The following ANXA8 variants were observed in gnomAD, a reference collection of about 807,000 sequenced individuals.
ANXA8 encodes the protein VAC-beta.
A neutral mutation model predicts 26.8 loss-of-function variants in ANXA8; 9 were observed. The observed-to-expected ratio is 0.34, with a 90% CI of 0.20 to 0.59. The LOEUF (loss-of-function observed/expected upper bound fraction) is 0.59. ANXA8 is among the 20% of genes least tolerant of loss of function. The pLI is 0.84. For missense variants in ANXA8, 83 were observed against 238.5 expected (o/e 0.35, Z 4.29); for synonymous variants, 39 against 94.8 (o/e 0.41, Z 3.42).
the ANXA8 span, among the ~76,000 whole-genome samples, chr10:47,669,734 C>A: frequency 1.3e-5 from 2 of 151,664 alleles, no homozygotes; most frequent in African/African-American, 4.9e-5. Flanking sequence ...AACAAAAAAA[C>A]CCCAAAAACC....
At chr10:47,777,304 T>C in the ANXA8 span, among the ~76,000 whole-genome samples, 1 of 151,648 alleles carries the variant, frequency 6.6e-6, no homozygotes, top group African/African-American at 2.4e-5. Context: ...CACCATCAGA[T>C]CTGATGTGGT....
At chr10:47,944,184 C>T in the ANXA8 span, among the ~76,000 whole-genome samples, 3 of 145,162 alleles carry the variant, frequency 2.1e-5, no homozygotes, top group East Asian at 2.2e-4. Context: ...TCATAGATGG[C>T]GCCTTCTTGC....
chr10:47,941,657 C>T, the ANXA8 span, among the ~76,000 whole-genome samples: 1 of 146,014 alleles, frequency 6.8e-6, no homozygotes, highest in Non-Finnish European at 1.5e-5. Context: ...AAAAAAAAAA[C>T]AGCTGGCATT....
At chr10:47,673,619 C>T in the ANXA8 span, among the ~76,000 whole-genome samples, 7 of 151,628 alleles carry the variant, frequency 4.6e-5, no homozygotes, top group Non-Finnish European at 1.0e-4. Context: ...CAAACTCTGA[C>T]CGTGGCGCTT....
chr10:47,988,826 A>C, the ANXA8 span, among the ~76,000 whole-genome samples: 2 of 151,574 alleles, frequency 1.3e-5, no homozygotes, highest in Non-Finnish European at 2.9e-5. Context: ...CAAAGTCCAT[A>C]CTCTTGTTTG....
the ANXA8 span, among the ~76,000 whole-genome samples, chr10:47,522,188 A>G: frequency 1.4e-5 from 2 of 141,554 alleles, no homozygotes; most frequent in African/African-American, 5.3e-5. Context: ...GAAGTCTGAC[A>G]TTTTAACCTG....
intron 8 of ANXA8, 116 bp downstream of exon 8, chr10:47,474,189 C>T (rs1839418508): frequency 1.6e-6 from 1 of 610,160 alleles, no homozygotes; most frequent in African/African-American, 1.9e-5. Context: ...GGAAACAGTC[C>T]TGGGCTCCCT....
chr10:47,694,523 T>A, the ANXA8 span, among the ~76,000 whole-genome samples: 1 of 149,326 alleles, frequency 6.7e-6, no homozygotes, highest in Non-Finnish European at 1.5e-5. Flanking sequence ...TGGGTTCAAG[T>A]GATTCTCCTG....
At chr10:47,572,712 C>T in the ANXA8 span, among the ~76,000 whole-genome samples, 20 of 124,642 alleles carry the variant, frequency 1.6e-4, 1 homozygote, top group East Asian at 8.7e-4. Flanking sequence ...AGTGAAACTC[C>T]GTCTCAAAAA....
the ANXA8 span, among the ~76,000 whole-genome samples, chr10:47,619,379 T>A: frequency 1.8e-5 from 2 of 112,888 alleles, 1 homozygote; most frequent in Non-Finnish European, 3.9e-5. Context: ...ACGAGTCAGC[T>A]CTTCTGACCC....
chr10:47,684,071 C>A, the ANXA8 span, among the ~76,000 whole-genome samples: 1 of 151,864 alleles, frequency 6.6e-6, no homozygotes, highest in African/African-American at 2.4e-5. Flanking sequence ...GTTTTTCCGA[C>A]TGAAGCGGCC....
the ANXA8 span, among the ~76,000 whole-genome samples, chr10:47,673,696 A>G: frequency 6.6e-6 from 1 of 151,832 alleles, no homozygotes; most frequent in Non-Finnish European, 1.5e-5. Context: ...TGAATTTTTG[A>G]AACAGTTTCA....
At chr10:47,530,644 G>A in the ANXA8 span, among the ~76,000 whole-genome samples, 3 of 150,116 alleles carry the variant, frequency 2.0e-5, no homozygotes, top group Non-Finnish European at 3.0e-5. Flanking sequence ...AGTGAGCCAA[G>A]ACTGTGCCAC....
the ANXA8 span, among the ~76,000 whole-genome samples, chr10:47,529,220 T>C: frequency 7.0e-6 from 1 of 142,316 alleles, no homozygotes; most frequent in Non-Finnish European, 1.5e-5. Context: ...AAAAAGTTTG[T>C]AATGATCTTT....
At chr10:47,660,593 G>A in the ANXA8 span, among the ~76,000 whole-genome samples, 1 of 151,614 alleles carries the variant, frequency 6.6e-6, no homozygotes, top group Non-Finnish European at 1.5e-5. Flanking sequence ...TAGAGATGGG[G>A]TTTCGCCATG....
chr10:47,518,992 G>A, the ANXA8 span, among the ~76,000 whole-genome samples: 107 of 126,278 alleles, frequency 8.5e-4, no homozygotes, highest in African/African-American at 3.1e-3. Flanking sequence ...GAAGGAACTG[G>A]GAAATACAAT....
the ANXA8 span, among the ~76,000 whole-genome samples, chr10:47,706,006 G>T: frequency 0.038 from 5,743 of 150,870 alleles, 177 homozygotes; most frequent in East Asian, 0.16. Context: ...CGTGTTGTGG[G>T]GGGGGAGGGG....
the ANXA8 span, among the ~76,000 whole-genome samples, chr10:47,557,051 G>A: frequency 9.7e-5 from 11 of 113,060 alleles, no homozygotes; most frequent in Non-Finnish European, 1.7e-4. Context: ...CTGTCACCCA[G>A]GCTGAAGTGC....
the ANXA8 span, among the ~76,000 whole-genome samples, chr10:47,615,222 T>A: frequency 7.6e-3 from 558 of 73,896 alleles, 159 homozygotes; most frequent in African/African-American, 0.02. Flanking sequence ...TCCTTGAAAT[T>A]GCAATCGTCA....
Sources: allele counts gnomAD v4.1 joint callset (sites outside exome capture counted in the v4.1 genomes callset), GRCh38; gene constraint gnomAD v4.1.1; transcripts MANE v1.5; gene names NCBI Gene and HGNC (gene_info 2026-07-23, HGNC 2026-07-21).